The following GPC5 variants were observed in gnomAD, a reference collection of about 807,000 sequenced individuals.
GPC5 encodes the protein glypican-5.
Under a neutral mutation model 53.9 loss-of-function variants are expected in GPC5, and 47 were observed. That is an observed-to-expected ratio of 0.87 (90% CI 0.69 to 1.11). GPC5 has a LOEUF of 1.11. Among genes scored for constraint, GPC5 ranks in the 50% most tolerant of loss-of-function variants. GPC5 has a pLI of 0.00. For synonymous variants in GPC5, 286 were observed against 263.3 expected (o/e 1.09, Z -0.84); for missense variants, 748 against 713.1 (o/e 1.05, Z -0.56).
At chr13:91,962,467 G>A (rs1204647066) in intron 6 of GPC5, among the ~76,000 whole-genome samples, 1 of 152,044 alleles carries the variant, frequency 6.6e-6, no homozygotes, top group Admixed American at 6.6e-5. Flanking sequence ...GGAGTAGATG[G>A]CCAATAAAAA....
chr13:92,343,828 A>C (rs1192998771), intron 7 of GPC5, among the ~76,000 whole-genome samples: 1 of 152,138 alleles, frequency 6.6e-6, no homozygotes, highest in Admixed American at 6.6e-5. Context: ...TTATAAAATT[A>C]ATTTGAAACA....
intron 1 of GPC5, among the ~76,000 whole-genome samples, chr13:91,416,522 A>G (rs1292360267): frequency 6.6e-6 from 1 of 151,680 alleles, no homozygotes; most frequent in African/African-American, 2.4e-5. Flanking sequence ...GGTTTTTTAC[A>G]TATGTATACA....
intron 5 of GPC5, among the ~76,000 whole-genome samples, chr13:91,903,129 C>T (rs1594652668): frequency 6.6e-6 from 1 of 151,452 alleles, no homozygotes; most frequent in Non-Finnish European, 1.5e-5. Context: ...TAGGGTAGCT[C>T]TTGTGGTGAT....
intron 3 of GPC5, among the ~76,000 whole-genome samples, chr13:91,721,158 G>A (rs112451550): frequency 9.9e-4 from 142 of 143,268 alleles, no homozygotes; most frequent in African/African-American, 3.5e-3. Context: ...TGGGGGGACT[G>A]AGTTTCACTC....
chr13:91,653,388 G>A (rs1451803766), intron 2 of GPC5, among the ~76,000 whole-genome samples: 2 of 152,088 alleles, frequency 1.3e-5, no homozygotes, highest in East Asian at 1.9e-4. Flanking sequence ...AAGGGTAGTA[G>A]GGGTGTAGAG....
chr13:91,443,218 A>G (rs74106758), intron 1 of GPC5, among the ~76,000 whole-genome samples: 1,760 of 152,284 alleles, frequency 0.012, 36 homozygotes, highest in African/African-American at 0.041. Context: ...GTATTTAGAG[A>G]TGGGGCCTTT....
chr13:91,592,680 C>T (rs779006593), intron 2 of GPC5, among the ~76,000 whole-genome samples: 1 of 152,228 alleles, frequency 6.6e-6, no homozygotes, highest in Non-Finnish European at 1.5e-5. Flanking sequence ...TCTTGCTGCT[C>T]TATCCTCTGG....
rs572839995 is a variant in GPC5 at position 92,047,456 on chromosome 13, A to G, written c.1402-97374A>G. On this transcript the variant is annotated intron_variant, in intron 6 of 7. Transcript: ENST00000377067. The stretch of plus-strand genomic sequence containing the variant: ...TATATATATATATTTTTTTTTCCTT[A>G]TTTCTATGATCATCCAGTGAGCCTT... Among the ~76,000 whole-genome samples, 3 of 146,416 alleles carry G rather than the reference A, an allele frequency of 2.0e-5. No homozygotes were observed. In the South Asian group the frequency reaches 6.5e-4, roughly 32 times the overall value.
intron 2 of GPC5, among the ~76,000 whole-genome samples, chr13:91,642,789 A>G (rs2034463125): frequency 2.0e-5 from 3 of 151,238 alleles, no homozygotes; most frequent in Non-Finnish European, 2.9e-5. Flanking sequence ...AAAGGAAACT[A>G]TTGATTGGAG....
intron 5 of GPC5, among the ~76,000 whole-genome samples, chr13:91,837,405 G>C (rs1594607331): frequency 6.6e-6 from 1 of 152,100 alleles, no homozygotes; most frequent in Admixed American, 6.6e-5. Flanking sequence ...CTCATCCAGA[G>C]ACCTTTAGCT....
chr13:92,641,526 T>A (rs1444259246), intron 7 of GPC5, among the ~76,000 whole-genome samples: 14 of 152,194 alleles, frequency 9.2e-5, no homozygotes, highest in Admixed American at 2.0e-4. Flanking sequence ...AAAATATTAC[T>A]TTAGTGTTAA....
intron 4 of GPC5, among the ~76,000 whole-genome samples, chr13:91,731,548 G>A (rs2036697926): frequency 6.6e-6 from 1 of 151,842 alleles, no homozygotes; most frequent in African/African-American, 2.4e-5. Flanking sequence ...TAGGTTCTGG[G>A]ATAAAAGTGC....
At chr13:92,586,018 C>A (rs987926060) in intron 7 of GPC5, among the ~76,000 whole-genome samples, 1 of 152,168 alleles carries the variant, frequency 6.6e-6, no homozygotes, top group Non-Finnish European at 1.5e-5. Context: ...CTGACTAATA[C>A]GCCTGGCTAG....
chr13:91,651,921 CT>C (rs2034720834), intron 2 of GPC5, among the ~76,000 whole-genome samples: 1 of 152,106 alleles, frequency 6.6e-6, no homozygotes, highest in African/African-American at 2.4e-5. Flanking sequence ...TTGGATTTTT[CT>C]TAAGAAACTG....
intron 7 of GPC5, among the ~76,000 whole-genome samples, chr13:92,342,743 C>T (rs937516315): frequency 6.6e-6 from 1 of 151,946 alleles, no homozygotes; most frequent in Non-Finnish European, 1.5e-5. Flanking sequence ...TAATTCCATC[C>T]TCTGGATTAA....
chr13:91,680,638 A>G (rs9583955), intron 2 of GPC5, among the ~76,000 whole-genome samples: 3,260 of 152,246 alleles, frequency 0.021, 110 homozygotes, highest in African/African-American at 0.07. Context: ...GAAACAATCC[A>G]TCGTCATGTT....
chr13:92,031,705 T>C (rs1258122756), intron 6 of GPC5, among the ~76,000 whole-genome samples: 2 of 64,962 alleles, frequency 3.1e-5, no homozygotes, highest in South Asian at 6.9e-4. Flanking sequence ...TAATATATTA[T>C]ATATATTACA....
intron 2 of GPC5, among the ~76,000 whole-genome samples, chr13:91,502,634 A>G (rs971421216): frequency 6.6e-6 from 1 of 152,186 alleles, no homozygotes; most frequent in African/African-American, 2.4e-5. Context: ...AGAATGCTAT[A>G]TATCAAGTGA....
chr13:92,392,611 CAG>C (rs1875057463), intron 7 of GPC5, among the ~76,000 whole-genome samples: 1 of 152,092 alleles, frequency 6.6e-6, no homozygotes, highest in South Asian at 2.1e-4. Flanking sequence ...ACAGAGTAAA[CAG>C]ACAACCTACA....
Sources: allele counts gnomAD v4.1 joint callset (sites outside exome capture counted in the v4.1 genomes callset), GRCh38; gene constraint gnomAD v4.1.1; transcripts MANE v1.5; gene names NCBI Gene and HGNC (gene_info 2026-07-23, HGNC 2026-07-21).